FCHO1: variants seen among roughly 807,000 people sequenced by gnomAD.
FCHO1 encodes F-BAR domain only protein 1.
Under a neutral mutation model 114.4 loss-of-function variants are expected in FCHO1, and 45 were observed. That is an observed-to-expected ratio of 0.39 (90% CI 0.31 to 0.50). The LOEUF (loss-of-function observed/expected upper bound fraction) is 0.50. Among genes scored for constraint, FCHO1 ranks in the 20% least tolerant of loss-of-function variants. FCHO1 has a pLI of 0.77. For missense variants in FCHO1, 1,042 were observed against 1,209.6 expected (o/e 0.86, Z 2.06); for synonymous variants, 480 against 488.9 (o/e 0.98, Z 0.24).
Position 17,776,495 on chromosome 19 carries a change from C to A in FCHO1, c.1208-140C>A. ...GCATCTGGAGACAGGCTCGCTTAGG[C>A]TTGAATCCATGTCTGCCTGATTTGC... On this transcript the variant is annotated intron_variant, in intron 17 of 28. Coordinates refer to ENST00000596536, the MANE Select transcript of FCHO1 (RefSeq NM_015122.3). This position sits in a 1 kb window ranked among gnomAD's most constrained non-coding sequence, Gnocchi z 4.4. The A allele has an allele frequency of 2.8e-6, 3 of 1,089,538 alleles. No homozygotes were observed. The highest frequency in any genetic ancestry group is 4.2e-6 in the Non-Finnish European group (3 of 716,196). The allele number at this position is 1,089,538 out of a possible 1,614,324, so 67.5% of individuals were successfully genotyped here. A position where few individuals can be genotyped will look rare whatever the true frequency, so the allele number is the denominator to read the frequency against.
chr19:17,770,296 T>C (rs542595753), intron 7 of FCHO1, 129 bp from the exon 8 acceptor site: 1 of 894,582 alleles, frequency 1.1e-6, no homozygotes, highest in South Asian at 2.0e-5. Flanking sequence ...AGCGAAACTC[T>C]GTCTAAAAAA....
intron 4 of FCHO1, among the ~76,000 whole-genome samples, chr19:17,757,594 C>A (rs2084129881): frequency 6.6e-6 from 1 of 152,168 alleles, no homozygotes; most frequent in Non-Finnish European, 1.5e-5. Context: ...GACACTTGAA[C>A]TTTGAAAATA....
chr19:17,761,928 G>A (rs577248026), intron 4 of FCHO1, among the ~76,000 whole-genome samples: 15 of 151,518 alleles, frequency 9.9e-5, no homozygotes, highest in Non-Finnish European at 1.9e-4. Context: ...CAAGGTGCTA[G>A]GATTACAGGC....
intron 4 of FCHO1, 74 bp downstream of exon 4, chr19:17,755,265 G>A: frequency 7.6e-7 from 1 of 1,313,706 alleles, no homozygotes; most frequent in East Asian, 2.3e-5. Context: ...GGAGGACTGG[G>A]TGAGTTGCGG....
Position 17,788,380 on chromosome 19 carries a change from A to C in FCHO1, c.*74A>C. The C allele has an allele frequency of 8.6e-7, 1 of 1,163,108 alleles. No individual in the cohort carries two copies. The highest frequency in any genetic ancestry group is 1.3e-6 in the Non-Finnish European group (1 of 788,870). The allele number at this position is 1,163,108 out of a possible 1,614,324, so 72.0% of individuals were successfully genotyped here. A position where few individuals can be genotyped will look rare whatever the true frequency, so the allele number is the denominator to read the frequency against. On this transcript the variant is annotated 3_prime_UTR_variant, in exon 29 of 29. Transcript: ENST00000596536. ...TGACCACCCCCTGCCCTCCTGCCGG[A>C]CCCTGGGGCCTCCCACCCCAGCCTC...
intron 9 of FCHO1, among the ~76,000 whole-genome samples, chr19:17,772,081 G>A (rs978640880): frequency 1.3e-5 from 2 of 152,290 alleles, no homozygotes; most frequent in East Asian, 3.9e-4. Context: ...AAAGTGCTGG[G>A]ATTACAGGCA....
intron 24 of FCHO1, 135 bp from the exon 25 acceptor site, chr19:17,783,967 AC>A (rs2093652926): frequency 9.1e-7 from 1 of 1,096,426 alleles, no homozygotes; most frequent in South Asian, 1.6e-5. Flanking sequence ...TGCCCGCACC[AC>A]AACCACCCAG....
At chr19:17,785,643 T>C (rs2147481354) in intron 26 of FCHO1, among the ~76,000 whole-genome samples, 1 of 151,830 alleles carries the variant, frequency 6.6e-6, no homozygotes, top group Non-Finnish European at 1.5e-5. Context: ...ACCATCCTGG[T>C]TAATATGGTG....
chr19:17,788,479 A>G lies in FCHO1; in HGVS notation c.*173A>G, dbSNP rs1403059277. 1.5e-5 allele frequency: 9 copies of G among 588,040 alleles called. No homozygotes were observed. The highest frequency in any genetic ancestry group is 2.8e-5 in the Non-Finnish European group (9 of 325,712). The allele number at this position is 588,040 out of a possible 1,614,324, so 36.4% of individuals were successfully genotyped here. On this transcript the variant is annotated 3_prime_UTR_variant, in exon 29 of 29. Transcript: ENST00000596536. ...AGCCCGAGATTCGCTCCTCCCCCTC[A>G]TGCCAACCCCACACAGGTCCCGGCC...
At chr19:17,763,508 C>A (rs2087284209) in intron 5 of FCHO1, among the ~76,000 whole-genome samples, 1 of 151,556 alleles carries the variant, frequency 6.6e-6, no homozygotes. Context: ...AGGCGATCCG[C>A]CCGCCTCAGC....
At chr19:17,782,431 T>A (rs2093506891) in intron 23 of FCHO1, among the ~76,000 whole-genome samples, 1 of 152,166 alleles carries the variant, frequency 6.6e-6, no homozygotes, top group African/African-American at 2.4e-5. Context: ...CTCGAACTCC[T>A]GGCCTCAAGT....
chr19:17,778,687 TG>T lies in FCHO1; in HGVS notation c.1432del (p.Asp478ThrfsTer67). ...SSPENVEDSG[L>X]DSPSHAAPGP... The stretch of plus-strand genomic sequence containing the variant: ...CCCGAAAACGTGGAGGATTCCGGCC[TG>T]GACTCTCCGTCCCACGCGGCACCTG... On this transcript the variant is annotated frameshift_variant, in exon 20 of 29. Coordinates refer to ENST00000596536, the MANE Select transcript of FCHO1 (RefSeq NM_015122.3). LOFTEE classifies it high-confidence loss of function. The T allele has an allele frequency of 6.4e-7, 1 of 1,561,672 alleles. No homozygotes were observed.
rs934122506 is a variant in FCHO1 at position 17,775,378 on chromosome 19, C to T, written c.946-78C>T. On this transcript the variant is annotated intron_variant, in intron 14 of 28. Transcript: ENST00000596536. This position sits in a 1 kb window ranked among gnomAD's most constrained non-coding sequence, Gnocchi z 5.1. ...TCTGAGTCAAGGCCTGGGGGCAGGG[C>T]GGGGGGCGGTTGGCAGGGTGAGATG... The T allele has an allele frequency of 1.5e-5, 21 of 1,413,268 alleles. No homozygotes were observed. In the South Asian group the frequency reaches 1.6e-4, roughly 11 times the overall value. 87.5% of individuals were successfully genotyped at this position (1,413,268 alleles called of 1,614,324 possible). A position where few individuals can be genotyped will look rare whatever the true frequency, so the allele number is the denominator to read the frequency against.
intron 19 of FCHO1, 74 bp from the exon 20 acceptor site, chr19:17,778,535 G>C: frequency 3.5e-6 from 5 of 1,446,754 alleles, no homozygotes; most frequent in Non-Finnish European, 4.6e-6. Context: ...CGACGTGGCC[G>C]TGGCCTGCAG....
At chr19:17,777,680 G>A (rs780941338) in intron 18 of FCHO1, among the ~76,000 whole-genome samples, 4 of 152,148 alleles carry the variant, frequency 2.6e-5, no homozygotes, top group African/African-American at 4.8e-5. Context: ...TCCCTGAGGG[G>A]GTGACTTGGA....
At chr19:17,787,593 A>G (rs1413513807) in intron 27 of FCHO1, 89 bp from the exon 28 acceptor site, 21 of 1,409,268 alleles carry the variant, frequency 1.5e-5, no homozygotes, top group Non-Finnish European at 1.7e-5. Context: ...CACAGAACAG[A>G]GGGCTTCAGG....
chr19:17,770,086 G>A (rs2091018582), intron 7 of FCHO1, among the ~76,000 whole-genome samples: 1 of 152,096 alleles, frequency 6.6e-6, no homozygotes, highest in African/African-American at 2.4e-5. Context: ...GATCACCTGA[G>A]GTCAGGAGTT....
intron 20 of FCHO1, among the ~76,000 whole-genome samples, chr19:17,779,503 G>GTCGC (rs2093098578): frequency 6.6e-6 from 1 of 151,532 alleles, no homozygotes; most frequent in African/African-American, 2.4e-5. Context: ...AGGTGGAAAG[G>GTCGC]TCGCTGCAGG....
At chr19:17,766,513 GGCCCGCCTCTTACAGCT>G in intron 6 of FCHO1, 139 bp from the exon 7 acceptor site, 3 of 970,430 alleles carry the variant, frequency 3.1e-6, no homozygotes, top group Non-Finnish European at 4.5e-6. Flanking sequence ...ATCTGTCACA[GGCCCGCCTCTTACAGCT>G]GCCATGGAGA....
Sources: gnomAD v4.1 joint callset for allele counts (sites outside exome capture counted in the v4.1 genomes callset) on GRCh38, gnomAD v4.1.1 for gene constraint, Gnocchi (gnomAD v3.1) non-coding constraint, MANE v1.5 for transcripts, NCBI Gene and HGNC (gene_info 2026-07-23, HGNC 2026-07-21) for gene names.